IL17RE: variants seen among roughly 807,000 people sequenced by gnomAD.
IL17RE encodes the protein interleukin 17 receptor E.
In IL17RE, 47 loss-of-function variants were observed where a neutral mutation model predicts 70.7. That is an observed-to-expected ratio of 0.67 (90% CI 0.53 to 0.85). IL17RE has a LOEUF of 0.85. Ranked by LOEUF, IL17RE falls within the 40% of genes least tolerant of loss-of-function variation. The pLI is 0.00. For synonymous variants in IL17RE, 372 were observed against 381.2 expected, an observed-to-expected ratio of 0.98 and a Z score of 0.28; for missense variants, 850 against 893.9, an observed-to-expected ratio of 0.95 and a Z score of 0.63.
Position 9,902,990 on chromosome 3 carries a change from C to G in IL17RE, c.58C>G (p.Leu20Val). The G allele has an allele frequency of 6.2e-7, 1 of 1,614,246 alleles. No individual in the cohort carries two copies. Among genetic ancestry groups the G allele is most frequent in the Non-Finnish European group, 8.5e-7 (1 of 1,180,040 alleles). ...LLPLLLIVID[L>V]SDSAGIGFRH... ...GCCTCTCCTCCTCATAGTCATCGAC[C>G]TCTCTGACTCTGCTGGGATTGGCTT... The change falls in exon 1 of 16, where the codon CTC becomes GTC. Residue 20 changes from leucine to valine, a missense_variant. Transcript: ENST00000383814.
chr3:9,906,531 T>G, intron 4 of IL17RE, 70 bp downstream of exon 4: 1 of 1,398,124 alleles, frequency 7.2e-7, no homozygotes, highest in African/African-American at 1.4e-5. Context: ...TCTCATTTGG[T>G]TCTCCAGCCA....
In IL17RE at chr3:9,902,897, A is replaced by T. The variant is rs1225542611; in HGVS notation, c.-36A>T. 1 of 1,614,022 alleles carries T rather than the reference A, an allele frequency of 6.2e-7. No homozygotes were observed. Among genetic ancestry groups the T allele is most frequent in the Non-Finnish European group, 8.5e-7 (1 of 1,180,004 alleles). On this transcript the variant is annotated 5_prime_UTR_variant, in exon 1 of 16. Transcript: ENST00000383814. ...CCTGCCACCCACCTTCAGGCCATGC[A>T]GCCATGTTCCGGGAGCCCTAATTGC...
rs181725341 is a variant in IL17RE, at chr3:9,906,813, G to C, written c.474G>C (p.Ser158=). Residue 158 remains serine (S), a synonymous_variant, in exon 5 of 16, where the codon TCG becomes TCC. Coordinates refer to ENST00000383814, the MANE Select transcript of IL17RE (RefSeq NM_153480.2). ...KGLRSKRTQP[S]DPETWESLPR... ...TTCGCTCTAAAAGGACCCAACCTTCGGATCCAGAGACATGGGAAAGTCTTC... is the reference window on the plus strand; with the variant it reads ...TTCGCTCTAAAAGGACCCAACCTTCCGATCCAGAGACATGGGAAAGTCTTC... 6.2e-7 allele frequency: 1 copy of C among 1,614,122 alleles called. No homozygotes were observed. Among genetic ancestry groups the C allele is most frequent in the Non-Finnish European group, 8.5e-7 (1 of 1,180,038 alleles).
At chr3:9,912,159 C>T (rs940368396) in intron 12 of IL17RE, among the ~76,000 whole-genome samples, 1 of 152,134 alleles carries the variant, frequency 6.6e-6, no homozygotes, top group Admixed American at 6.5e-5. Flanking sequence ...ACGGTGCATG[C>T]GAGGGATCTT....
upstream of IL17RE, chr3:9,902,523 T>C (rs562312768): frequency 5.4e-5 from 58 of 1,066,828 alleles, no homozygotes; most frequent in African/African-American, 7.5e-4. Flanking sequence ...AGTGAGGGGG[T>C]GAAGCGCATG....
rs1164302940 is a variant in IL17RE, at chr3:9,906,968, G to A, written c.534G>A (p.Glu178=). 19 of 1,614,024 alleles carry A rather than the reference G, an allele frequency of 1.2e-5. No individual in the cohort carries two copies. Among genetic ancestry groups the A allele is most frequent in the South Asian group, 2.2e-5 (2 of 91,080 alleles). ...AGTCCTTCCTCTCCCCAGGACCCGA[G>A]TTCTCCTTTGATTTGCTGCCTGAGG... is the stretch of plus-strand genomic sequence containing the variant. The part of the protein sequence containing the change: ...RLDSQRHGGP[E]FSFDLLPEAR... The change falls in exon 6 of 16, where the codon GAG becomes GAA. Residue 178 remains glutamate (E), a synonymous_variant. Transcript: ENST00000383814.
chr3:9,910,657 A>G (rs1177466), intron 8 of IL17RE, among the ~76,000 whole-genome samples: 13 of 152,146 alleles, frequency 8.5e-5, no homozygotes, highest in Admixed American at 5.9e-4. Context: ...TGCACTCCAG[A>G]CTGGGCGACA....
rs1340317618 is a variant in IL17RE at position 9,906,774 on chromosome 3, C to T, written c.435C>T (p.Ile145=). ...ACATTTCCATCCCCTCCCCAGACAT[C>T]TCCCACAAGGGACTTCGCTCTAAAA... is the stretch of plus-strand genomic sequence containing the variant. The part of the protein sequence containing the change: ...SHHISIPSPD[I]SHKGLRSKRT... Residue 145 remains isoleucine (I), a synonymous_variant, in exon 5 of 16, where the codon ATC becomes ATT. Transcript: ENST00000383814. 1.9e-6 allele frequency: 3 copies of T among 1,614,072 alleles called. No individual in the cohort carries two copies. Among genetic ancestry groups the T allele is most frequent in the African/African-American group, 2.7e-5 (2 of 74,910 alleles).
chr3:9,903,123 C>A, intron 1 of IL17RE, 59 bp downstream of exon 1: 1 of 1,438,914 alleles, frequency 6.9e-7, no homozygotes, highest in Non-Finnish European at 9.7e-7. Context: ...GCTCCCCACT[C>A]CCCTGCCTGC....
Position 9,906,095 on chromosome 3 carries a change from C to G in IL17RE, c.269-269C>G, listed in dbSNP as rs567225523. ...AGAAACCCCGTCTCCACTAAAGATA[C>G]AAAATTAGCCGGGCATGGTGGCACA... On this transcript the variant is annotated intron_variant, in intron 3 of 15. Coordinates refer to ENST00000383814, the MANE Select transcript of IL17RE (RefSeq NM_153480.2). 7.3e-5 allele frequency among the ~76,000 whole-genome samples: 11 copies of G among 151,066 alleles called. 1 individual carries two copies. Among genetic ancestry groups the G allele is most frequent in the Non-Finnish European group, 1.3e-4 (9 of 67,752 alleles).
Position 9,907,802 on chromosome 3 carries a change from C to T in IL17RE, c.667-437C>T, listed in dbSNP as rs141009789. Among the ~76,000 whole-genome samples, 535 of 152,222 alleles carry T rather than the reference C, an allele frequency of 3.5e-3. 3 individuals are homozygous for T. The highest frequency in any genetic ancestry group is 0.012 in the African/African-American group (512 of 41,506). On this transcript the variant is annotated intron_variant, in intron 6 of 15. Transcript: ENST00000383814. ...TTCTCCCAACCTGGGCCCCAGCATC[C>T]CACCTCAACCTCCCTTTGTCATGGA...
intron 12 of IL17RE, 159 bp downstream of exon 12, chr3:9,911,756 C>G: frequency 9.2e-6 from 6 of 654,428 alleles, no homozygotes; most frequent in African/African-American, 1.8e-5. Flanking sequence ...GTTCAGCTAA[C>G]TTGCTGACAG....
chr3:9,902,879 C>A lies in IL17RE; in HGVS notation c.-54C>A. The A allele has an allele frequency of 6.2e-7, 1 of 1,613,828 alleles. No individual in the cohort carries two copies. Among genetic ancestry groups the A allele is most frequent in the Non-Finnish European group, 8.5e-7 (1 of 1,179,852 alleles). On this transcript the variant is annotated 5_prime_UTR_variant, in exon 1 of 16. Coordinates refer to ENST00000383814, the MANE Select transcript of IL17RE (RefSeq NM_153480.2). ...GCTGCTGCACAGCAAGGCCCTGCCACCCACCTTCAGGCCATGCAGCCATGT... is the reference window on the plus strand; with the variant it reads ...GCTGCTGCACAGCAAGGCCCTGCCAACCACCTTCAGGCCATGCAGCCATGT...
intron 8 of IL17RE, 71 bp downstream of exon 8, chr3:9,909,354 TAC>T (rs142612801): frequency 0.069 from 66,226 of 964,180 alleles, 5 homozygotes; most frequent in East Asian, 0.096. Flanking sequence ...CACACACATG[TAC>T]ACACACACAC....
At chr3:9,905,094 C>CAAAAAAAAAAAAAAAAAAA (rs71626946) in intron 3 of IL17RE, among the ~76,000 whole-genome samples, 3 of 56,158 alleles carry the variant, frequency 5.3e-5, no homozygotes, top group African/African-American at 1.4e-4. Context: ...GACCCTGTCT[C>CAAAAAAAAAAAAAAAAAAA]AAAAAAAAAA....
chr3:9,910,923 G>T lies in IL17RE; in HGVS notation c.861G>T (p.Met287Ile). 2 of 1,614,160 alleles carry T rather than the reference G, an allele frequency of 1.2e-6. No homozygotes were observed. The highest frequency in any genetic ancestry group is 8.5e-7 in the Non-Finnish European group (1 of 1,180,026). ...CTGACTACAGCCAGCACACTCAGATGGTCATGGCCCTGACACTCCGCTGCC... is the reference window on the plus strand; with the variant it reads ...CTGACTACAGCCAGCACACTCAGATTGTCATGGCCCTGACACTCCGCTGCC... ...HFTDYSQHTQ[M>I]VMALTLRCPL... is the part of the protein sequence containing the mutation. The change falls in exon 9 of 16, where the codon ATG becomes ATT. Residue 287 changes from methionine (M) to isoleucine (I), a missense_variant. Transcript: ENST00000383814.
In IL17RE at chr3:9,908,309, T is replaced by C; in HGVS notation, c.735+2T>C. 1 of 1,613,778 alleles carries C rather than the reference T, an allele frequency of 6.2e-7. No homozygotes were observed. The highest frequency in any genetic ancestry group is 1.3e-5 in the African/African-American group (1 of 75,022). On this transcript the variant is annotated splice_donor_variant, in intron 7 of 15. Coordinates refer to ENST00000383814, the MANE Select transcript of IL17RE (RefSeq NM_153480.2). LOFTEE classifies it high-confidence loss of function. ...CTTCTGCCCTGTCTGTGCATAGAGG[T>C]GAGCAAAGGAAAAGGTGTGGGCTGT...
In IL17RE at chr3:9,906,759, C is replaced by CAGGG; in HGVS notation, c.420_421insAGGG (p.Pro141ArgfsTer14). 1 of 1,614,166 alleles carries CAGGG rather than the reference C, an allele frequency of 6.2e-7. No homozygotes were observed. Among genetic ancestry groups the CAGGG allele is most frequent in the Non-Finnish European group, 8.5e-7 (1 of 1,180,024 alleles). ...CTGAGAAGAGCCATCACATTTCCAT[C>CAGGG]CCCTCCCCAGACATCTCCCACAAGG... is the stretch of plus-strand genomic sequence containing the variant. On this transcript the variant is annotated frameshift_variant, in exon 5 of 16. Coordinates refer to ENST00000383814, the MANE Select transcript of IL17RE (RefSeq NM_153480.2). LOFTEE classifies it high-confidence loss of function.
rs1472083348 is a variant in IL17RE, at chr3:9,906,454, C to T, written c.359C>T (p.Pro120Leu). The T allele has an allele frequency of 1.2e-6, 2 of 1,609,646 alleles. No homozygotes were observed. The highest frequency in any genetic ancestry group is 3.3e-5 in the Admixed American group (2 of 59,986). ...TATAGGAGACACAAGATGCCAGCAC[C>T]TGCTCAGGTACTCTCCCTGTCAGTT... ...KFYRRHKMPA[P>L]AQRKLLPRRH... Residue 120 changes from proline to leucine, a missense_variant, in exon 4 of 16, where the codon CCT becomes CTT. Transcript: ENST00000383814.
Sources: allele counts gnomAD v4.1 joint callset (sites outside exome capture counted in the v4.1 genomes callset), GRCh38; gene constraint gnomAD v4.1.1; transcripts MANE v1.5; gene names NCBI Gene and HGNC (gene_info 2026-07-23, HGNC 2026-07-21).